The following WASF2 variants were observed in gnomAD, a reference collection of about 807,000 sequenced individuals.
WASF2 encodes the protein actin-binding protein WASF2.
A neutral mutation model predicts 45.0 loss-of-function variants in WASF2; 14 were observed. The observed-to-expected ratio is 0.31, with a 90% confidence interval of 0.21 to 0.49. The LOEUF (loss-of-function observed/expected upper bound fraction) is 0.49, where lower values mean the gene tolerates loss of function less well. WASF2 is among the 20% of genes least tolerant of loss of function. The pLI, the probability that WASF2 is intolerant of heterozygous loss-of-function variation, is 0.99. For synonymous variants in WASF2, 200 were observed against 236.3 expected, an observed-to-expected ratio of 0.85 and a Z score of 1.41; for missense variants, 439 against 636.1, an observed-to-expected ratio of 0.69 and a Z score of 3.33.
chr1:27,436,700 G>C (rs569000105), intron 1 of WASF2, among the ~76,000 whole-genome samples: 2 of 152,278 alleles, frequency 1.3e-5, no homozygotes, highest in South Asian at 4.1e-4. Context: ...CCCACTTCCT[G>C]TTGAAATACA....
chr1:27,477,230 TAC>T (rs1212716149), intron 1 of WASF2, among the ~76,000 whole-genome samples: 1 of 152,086 alleles, frequency 6.6e-6, no homozygotes. Flanking sequence ...TCTATATGAG[TAC>T]AGATTTTTTT....
chr1:27,425,815 G>A (rs2016971810), intron 2 of WASF2, among the ~76,000 whole-genome samples: 1 of 119,004 alleles, frequency 8.4e-6, no homozygotes, highest in Non-Finnish European at 1.6e-5. Flanking sequence ...CTCCAGCCTG[G>A]GCAACAGAGT....
At chr1:27,489,453 TACACACACAC>T (rs371077805) in intron 1 of WASF2, among the ~76,000 whole-genome samples, 1 of 17,382 alleles carries the variant, frequency 5.8e-5, no homozygotes, top group African/African-American at 3.4e-4. Flanking sequence ...TCATGGTACG[TACACACACAC>T]ACACACACAC....
intron 1 of WASF2, among the ~76,000 whole-genome samples, chr1:27,456,313 C>T (rs564869788): frequency 1.5e-4 from 7 of 45,858 alleles, no homozygotes; most frequent in African/African-American, 5.1e-4. Context: ...CAGAGCGAGA[C>T]TCTAAAAAAA....
chr1:27,440,763 A>G (rs1260742259), intron 1 of WASF2, among the ~76,000 whole-genome samples: 1 of 152,056 alleles, frequency 6.6e-6, no homozygotes, highest in Non-Finnish European at 1.5e-5. Flanking sequence ...AATGCATTCT[A>G]TAACTCAGAC....
At chr1:27,445,924 G>GT (rs1400506371) in intron 1 of WASF2, among the ~76,000 whole-genome samples, 2 of 149,760 alleles carry the variant, frequency 1.3e-5, no homozygotes, top group Non-Finnish European at 3.0e-5. Context: ...CTTAATCTGT[G>GT]TATGTATATT....
intron 1 of WASF2, among the ~76,000 whole-genome samples, chr1:27,477,681 CGAGGTCAGGAGA>C (rs2017784792): frequency 9.5e-6 from 1 of 104,896 alleles, no homozygotes; most frequent in Non-Finnish European, 1.8e-5. Flanking sequence ...GGGCGGATCA[CGAGGTCAGGAGA>C]TCGAGACCAT....
chr1:27,411,363 T>C (rs941411055), intron 7 of WASF2, among the ~76,000 whole-genome samples: 3 of 152,212 alleles, frequency 2.0e-5, no homozygotes, highest in African/African-American at 7.2e-5. Flanking sequence ...GCCAGGGACA[T>C]GCACAAATAT....
In WASF2 at chr1:27,461,640, T is replaced by A. The variant is rs537697287; in HGVS notation, c.-44+28346A>T. ...ACCACGCCCAGCTAATTTTTTTTTT[T>A]AAATTTCTTATTTTTCGTAGAGTCG... On this transcript the variant is annotated intron_variant, in intron 1 of 8. Transcript: ENST00000618852. Among the ~76,000 whole-genome samples the A allele has an allele frequency of 4.2e-3, 634 of 151,664 alleles. 4 individuals are homozygous for A. Among genetic ancestry groups the A allele is most frequent in the African/African-American group, 0.014 (565 of 41,378 alleles).
In WASF2 at chr1:27,404,244, G is replaced by A. The variant is rs771111338; in HGVS notation, c.*3945C>T. The A allele has an allele frequency of 6.6e-6, 1 of 152,188 alleles. No homozygotes were observed. Among genetic ancestry groups the A allele is most frequent in the South Asian group, 2.1e-4 (1 of 4,832 alleles). The allele number at this position is 152,188 out of a possible 1,614,324, so 9.4% of individuals were successfully genotyped here. The stretch of plus-strand genomic sequence containing the variant: ...CCAGAGGTGGCTGAGTGGCTACAAA[G>A]ACTTTATCAAATTATTTTAAATGTT... On this transcript the variant is annotated 3_prime_UTR_variant, in exon 9 of 9. Transcript: ENST00000618852.
intron 1 of WASF2, among the ~76,000 whole-genome samples, chr1:27,432,423 C>A (rs1056603003): frequency 4.6e-5 from 7 of 151,612 alleles, no homozygotes; most frequent in African/African-American, 1.5e-4. Context: ...CCGAGGCGGG[C>A]GGATCACGAG....
In WASF2 at chr1:27,459,073, C is replaced by T. The variant is rs547459325; in HGVS notation, c.-43-30140G>A. ...CCCAGGAAGCGGAGGTTGCAGTGAG[C>T]CGAGATCACACCATTGCACTCCACT... On this transcript the variant is annotated intron_variant, in intron 1 of 8. Transcript: ENST00000618852. 4.6e-5 allele frequency among the ~76,000 whole-genome samples: 7 copies of T among 151,892 alleles called. No homozygotes were observed. In the South Asian group the frequency reaches 1.5e-3, roughly 32 times the overall value.
rs575388583 is a variant in WASF2 at position 27,473,439 on chromosome 1, C to T, written c.-44+16547G>A. On this transcript the variant is annotated intron_variant, in intron 1 of 8. Coordinates refer to ENST00000618852, the MANE Select transcript of WASF2 (RefSeq NM_006990.5). ...CTCCACCCTGGGTAACAGAGCAAGA[C>T]TCCAGACTCCATGGCCAAAAAAAAA... 6.2e-4 allele frequency among the ~76,000 whole-genome samples: 87 copies of T among 139,216 alleles called. 3 individuals are homozygous for T. In the South Asian group the frequency reaches 0.018, roughly 29 times the overall value. The allele number at this position is 139,216 out of a possible 152,430, so 91.3% of individuals were successfully genotyped here. A position where few individuals can be genotyped will look rare whatever the true frequency, so the allele number is the denominator to read the frequency against.
chr1:27,439,244 A>G (rs938150021), intron 1 of WASF2, among the ~76,000 whole-genome samples: 18 of 152,350 alleles, frequency 1.2e-4, no homozygotes, highest in African/African-American at 4.3e-4. Flanking sequence ...AGAAAAATGA[A>G]ATAATGCATG....
At chr1:27,413,496 C>A (rs1302977309) in intron 6 of WASF2, among the ~76,000 whole-genome samples, 1 of 152,160 alleles carries the variant, frequency 6.6e-6, no homozygotes, top group Non-Finnish European at 1.5e-5. Flanking sequence ...CTAAAACAGA[C>A]CTCAGGGAGA....
rs147785350 is a variant in WASF2, at chr1:27,458,038, G to A, written c.-43-29105C>T. Among the ~76,000 whole-genome samples the A allele has an allele frequency of 1.2e-3, 178 of 152,008 alleles. 4 individuals carry two copies. In the East Asian group the frequency reaches 0.028, roughly 24 times the overall value. On this transcript the variant is annotated intron_variant, in intron 1 of 8. Transcript: ENST00000618852. ...TCAAAAGTATTTGTTGGCTGGGCGCGGTGGCTCATGCCTGTAATCCCAGCA... is the reference window on the plus strand; with the variant it reads ...TCAAAAGTATTTGTTGGCTGGGCGCAGTGGCTCATGCCTGTAATCCCAGCA...
In WASF2 at chr1:27,418,285, T is replaced by G. The variant is rs776765974; in HGVS notation, c.403A>C (p.Asn135His). The part of the protein sequence containing the change: ...NTCDTPPPLN[N>H]LTPYRDDGKE... Reference sequence around the variant, plus strand: ...AGCCATTACCTGTAAGGGGTAAGATTGTTGAGAGGGGGAGGAGTATCACAG... The same window carrying G: ...AGCCATTACCTGTAAGGGGTAAGATGGTTGAGAGGGGGAGGAGTATCACAG... The change falls in exon 4 of 9, where the codon AAT (asparagine) becomes CAT (histidine). Residue 135 changes from asparagine (N) to histidine (H), a missense_variant. This residue lies in a region of WASF2 where 98 missense variants were observed against 120.7 expected (regional missense o/e 0.81). Coordinates refer to ENST00000618852, the MANE Select transcript of WASF2 (RefSeq NM_006990.5). The G allele has an allele frequency of 8.7e-6, 14 of 1,614,064 alleles. No homozygotes were observed. Among genetic ancestry groups the G allele is most frequent in the Non-Finnish European group, 1.2e-5 (14 of 1,179,990 alleles).
intron 1 of WASF2, among the ~76,000 whole-genome samples, chr1:27,461,460 A>AT (rs1310567255): frequency 0.16 from 20,838 of 127,654 alleles, 2,714 homozygotes; most frequent in East Asian, 0.36. Context: ...CCACTTCAGC[A>AT]TTTTTTTTTT....
At position 27,475,745 on chromosome 1, in the gene WASF2, A is replaced by C. The variant is rs894996687; in HGVS notation, c.-44+14241T>G. On this transcript the variant is annotated intron_variant, in intron 1 of 8. Transcript: ENST00000618852. ...TGGGTTCAAGTGATCCTCCCACTTC[A>C]GCCTCCTGAGCAGCTGGTACTACAG... 1.5e-4 allele frequency among the ~76,000 whole-genome samples: 23 copies of C among 152,260 alleles called. 1 individual carries two copies. The Middle Eastern group carries it at 0.01, about 68-fold the overall frequency.
Sources: allele counts gnomAD v4.1 joint callset (sites outside exome capture counted in the v4.1 genomes callset), GRCh38; gene constraint gnomAD v4.1.1; regional missense constraint gnomAD v4.1.1; transcripts MANE v1.5; gene names NCBI Gene and HGNC (gene_info 2026-07-23, HGNC 2026-07-21).